The following VENTX variants were observed in gnomAD, a reference collection of about 807,000 sequenced individuals.
The protein encoded by VENTX is VENT homeobox.
In VENTX, 13 loss-of-function variants were observed where a neutral mutation model predicts 10.5. The ratio of observed to expected loss-of-function variants is 1.23; its 90% CI spans 0.80 to 1.96. The LOEUF is 1.96. VENTX is among the 30% of genes most tolerant of loss of function. The pLI is 0.00. For synonymous variants in VENTX, 177 were observed against 150.4 expected, an observed-to-expected ratio of 1.18 and a Z score of -1.29; for missense variants, 400 against 341.8, an observed-to-expected ratio of 1.17 and a Z score of -1.34.
At chr10:133,238,683 TC>T (rs1434003677) in intron 1 of VENTX, among the ~76,000 whole-genome samples, 1 of 152,192 alleles carries the variant, frequency 6.6e-6, no homozygotes. Flanking sequence ...ACTCTGAAGT[TC>T]CCTCTGTGGC....
At chr10:133,238,562 G>A (rs1378466375) in intron 1 of VENTX, among the ~76,000 whole-genome samples, 6 of 151,694 alleles carry the variant, frequency 4.0e-5, no homozygotes, top group Non-Finnish European at 8.8e-5. Context: ...CACAGCCGGT[G>A]CCTGCTCAGC....
rs917087746 is a variant in VENTX at position 133,241,367 on chromosome 10, G to C, written c.*1061G>C. On this transcript the variant is annotated 3_prime_UTR_variant, in exon 3 of 3. Coordinates refer to ENST00000325980, the MANE Select transcript of VENTX (RefSeq NM_014468.4). ...CTGTCCCCCTGCTCGCAGCAGCCTCGGGACAAAACAATGACTCAAGGACAG... is the reference window on the plus strand; with the variant it reads ...CTGTCCCCCTGCTCGCAGCAGCCTCCGGACAAAACAATGACTCAAGGACAG... 1 of 152,590 alleles carries C rather than the reference G, an allele frequency of 6.6e-6. No individual in the cohort carries two copies. Among genetic ancestry groups the C allele is most frequent in the Non-Finnish European group, 1.5e-5 (1 of 68,172 alleles). 9.5% of individuals were successfully genotyped at this position (152,590 alleles called of 1,614,324 possible).
rs557349827 is a variant in VENTX at position 133,241,843 on chromosome 10, G to A, written c.*1537G>A. 3 of 152,426 alleles carry A rather than the reference G, an allele frequency of 2.0e-5. No individual in the cohort carries two copies. Among genetic ancestry groups the A allele is most frequent in the Non-Finnish European group, 2.9e-5 (2 of 68,070 alleles). The allele number at this position is 152,426 out of a possible 1,614,324, so 9.4% of individuals were successfully genotyped here. A position where few individuals can be genotyped will look rare whatever the true frequency, so the allele number is the denominator to read the frequency against. ...CCCTCGGAGGGCAGCAGCTGGACAG[G>A]GACTACTGGGTTTGGCCTGGACAGC... On this transcript the variant is annotated 3_prime_UTR_variant, in exon 3 of 3. Transcript: ENST00000325980.
In VENTX at chr10:133,239,803, G is replaced by A. The variant is rs760526595; in HGVS notation, c.369G>A (p.Arg123=). 1 of 1,611,460 alleles carries A rather than the reference G, an allele frequency of 6.2e-7. No individual in the cohort carries two copies. The highest frequency in any genetic ancestry group is 8.5e-7 in the Non-Finnish European group (1 of 1,179,962). The part of the protein sequence containing the change: ...HQYLSPLERK[R]LAREMQLSEV... Reference sequence around the variant, plus strand: ...ACCTGAGCCCTCTGGAGCGGAAGAGGCTGGCCAGGGAGATGCAGCTCTCAG... The same window carrying A: ...ACCTGAGCCCTCTGGAGCGGAAGAGACTGGCCAGGGAGATGCAGCTCTCAG... Residue 123 remains arginine, a synonymous_variant, in exon 2 of 3, where the codon AGG becomes AGA. Transcript: ENST00000325980.
At position 133,237,926 on chromosome 10, in the gene VENTX, C is replaced by T; in HGVS notation, c.12C>T (p.Ser4=). The T allele has an allele frequency of 1.3e-6, 2 of 1,592,064 alleles. No individual in the cohort carries two copies. Among genetic ancestry groups the T allele is most frequent in the East Asian group, 2.2e-5 (1 of 44,482 alleles). The change falls in exon 1 of 3, where the codon TCC becomes TCT. Residue 4 remains serine (S), a synonymous_variant. Transcript: ENST00000325980. The part of the protein sequence containing the change: MRL[S]SSPPRGPQQL... ...CCCACCTGGCCGCCATGCGCCTCTC[C>T]TCCTCCCCACCTCGTGGCCCGCAGC...
At position 133,238,483 on chromosome 10, in the gene VENTX, C is replaced by A. The variant is rs1344289039; in HGVS notation, c.241+328C>A. Reference sequence around the variant, plus strand: ...TCCAAGGGGTCCCCGTCCGCACCTCCCTGCCCTGATTCCGGGCGCTCACTG... The same window carrying A: ...TCCAAGGGGTCCCCGTCCGCACCTCACTGCCCTGATTCCGGGCGCTCACTG... On this transcript the variant is annotated intron_variant, in intron 1 of 2. Coordinates refer to ENST00000325980, the MANE Select transcript of VENTX (RefSeq NM_014468.4). 5.3e-5 allele frequency among the ~76,000 whole-genome samples: 8 copies of A among 152,192 alleles called. No homozygotes were observed. The East Asian group carries it at 1.5e-3, about 29-fold the overall frequency.
In VENTX at chr10:133,241,098, T is replaced by C. The variant is rs965130031; in HGVS notation, c.*792T>C. 1.3e-5 allele frequency: 2 copies of C among 152,240 alleles called. No individual in the cohort carries two copies. Among genetic ancestry groups the C allele is most frequent in the African/African-American group, 2.4e-5 (1 of 41,454 alleles). The allele number at this position is 152,240 out of a possible 1,614,324, so 9.4% of individuals were successfully genotyped here. On this transcript the variant is annotated 3_prime_UTR_variant, in exon 3 of 3. Transcript: ENST00000325980. ...AGGGAATGCAGGTGTGTTTATAGCG[T>C]TGTGGTTCAAGTCCCTCTTAACAAG...
chr10:133,239,758 C>T lies in VENTX; in HGVS notation c.324C>T (p.Gly108=), dbSNP rs560345091. The T allele has an allele frequency of 2.5e-5, 41 of 1,611,208 alleles. No homozygotes were observed. Among genetic ancestry groups the T allele is most frequent in the Admixed American group, 1.5e-4 (9 of 60,000 alleles). ...FTMEQVRTLE[G]VFQHHQYLSP... ...TGGAGCAGGTCCGCACCTTGGAGGGCGTCTTCCAGCACCACCAGTACCTGA... is the reference window on the plus strand; with the variant it reads ...TGGAGCAGGTCCGCACCTTGGAGGGTGTCTTCCAGCACCACCAGTACCTGA... Residue 108 remains glycine, a synonymous_variant, in exon 2 of 3, where the codon GGC becomes GGT. Coordinates refer to ENST00000325980, the MANE Select transcript of VENTX (RefSeq NM_014468.4).
In VENTX at chr10:133,240,024, G is replaced by A. The variant is rs540901758; in HGVS notation, c.495G>A (p.Ala165=). The A allele has an allele frequency of 7.7e-5, 124 of 1,611,884 alleles. No individual in the cohort carries two copies. The highest frequency in any genetic ancestry group is 9.2e-5 in the Non-Finnish European group (108 of 1,180,018). The change falls in exon 3 of 3, where the codon GCG becomes GCA. Residue 165 remains alanine, a synonymous_variant. Coordinates refer to ENST00000325980, the MANE Select transcript of VENTX (RefSeq NM_014468.4). The part of the protein sequence containing the change: ...LHSPFSGSLH[A]PPAFYSTSSG... The stretch of plus-strand genomic sequence containing the variant: ...GCCCCTTCTCGGGGTCTCTCCATGC[G>A]CCCCCAGCTTTCTACTCAACGTCTT...
At chr10:133,238,236 TCC>T (rs1845880503) in intron 1 of VENTX, 81 bp downstream of exon 1, 1 of 1,459,074 alleles carries the variant, frequency 6.9e-7, no homozygotes, top group South Asian at 1.5e-5. Flanking sequence ...GCGGCTGCAC[TCC>T]CCGCGGTGCC....
In VENTX at chr10:133,238,113, G is replaced by A; in HGVS notation, c.199G>A (p.Ala67Thr). 6.2e-7 allele frequency: 1 copy of A among 1,602,596 alleles called. No individual in the cohort carries two copies. The highest frequency in any genetic ancestry group is 8.5e-7 in the Non-Finnish European group (1 of 1,176,032). Residue 67 changes from alanine (A) to threonine (T), a missense_variant, in exon 1 of 3, where the codon GCC becomes ACC. Ala to Thr is a moderately conservative substitution (Grantham distance 58, BLOSUM62 0). Coordinates refer to ENST00000325980, the MANE Select transcript of VENTX (RefSeq NM_014468.4). The stretch of plus-strand genomic sequence containing the variant: ...TCAGGCCGTCAGCATCAAGGAGGCC[G>A]CCGGGTCCTCAAATCTGCCTGCGCC... Reference protein sequence around the residue: ...PPQAVSIKEAAGSSNLPAPER... With the variant: ...PPQAVSIKEATGSSNLPAPER...
Position 133,240,229 on chromosome 10 carries a change from C to A in VENTX, c.700C>A (p.Arg234=). 4 of 1,611,456 alleles carry A rather than the reference C, an allele frequency of 2.5e-6. No homozygotes were observed. The highest frequency in any genetic ancestry group is 3.4e-6 in the Non-Finnish European group (4 of 1,179,644). The change falls in exon 3 of 3, where the codon CGG becomes AGG. Residue 234 remains arginine, a synonymous_variant. Transcript: ENST00000325980. ...PLASHPPTPG[R]PSLGPALSTG... is the part of the protein sequence containing the mutation. ...GGCGTCCCACCCCCCTACCCCAGGCCGGCCTTCGCTGGGACCAGCCCTGTC... is the reference window on the plus strand; with the variant it reads ...GGCGTCCCACCCCCCTACCCCAGGCAGGCCTTCGCTGGGACCAGCCCTGTC...
Position 133,240,467 on chromosome 10 carries a change from C to T in VENTX, c.*161C>T, listed in dbSNP as rs1200770966. 4.3e-5 allele frequency: 21 copies of T among 482,926 alleles called. No homozygotes were observed. In the East Asian group the frequency reaches 7.6e-4, roughly 17 times the overall value. 29.9% of individuals were successfully genotyped at this position (482,926 alleles called of 1,614,324 possible). ...GAATATATATAAATATATATATGTACGTATATATGTAAATACACATATACG... is the reference window on the plus strand; with the variant it reads ...GAATATATATAAATATATATATGTATGTATATATGTAAATACACATATACG... On this transcript the variant is annotated 3_prime_UTR_variant, in exon 3 of 3. Coordinates refer to ENST00000325980, the MANE Select transcript of VENTX (RefSeq NM_014468.4).
chr10:133,239,705 G>GC lies in VENTX; in HGVS notation c.277dup (p.Arg93ProfsTer172), dbSNP rs766244460. On this transcript the variant is annotated frameshift_variant, in exon 2 of 3. Coordinates refer to ENST00000325980, the MANE Select transcript of VENTX (RefSeq NM_014468.4). LOFTEE classifies it high-confidence loss of function. Reference sequence around the variant, plus strand: ...GAGTAAGGAGCCAAATACCTTGCGGGCCCCCCGTGTCCGCACAGCCTTCAC... The same window carrying GC: ...GAGTAAGGAGCCAAATACCTTGCGGGCCCCCCCGTGTCCGCACAGCCTTCAC... 8 of 1,610,972 alleles carry GC rather than the reference G, an allele frequency of 5.0e-6. No individual in the cohort carries two copies. In the South Asian group the frequency reaches 7.7e-5, roughly 15 times the overall value.
rs112263035 is a variant in VENTX at position 133,240,373 on chromosome 10, AGTT to A, written c.*71_*73del. 14,442 of 1,503,930 alleles carry A rather than the reference AGTT, an allele frequency of 9.6e-3. 1,011 individuals carry two copies. The African/African-American group carries it at 0.16, about 17-fold the overall frequency. The allele number at this position is 1,503,930 out of a possible 1,614,324, so 93.2% of individuals were successfully genotyped here. On this transcript the variant is annotated 3_prime_UTR_variant, in exon 3 of 3. Coordinates refer to ENST00000325980, the MANE Select transcript of VENTX (RefSeq NM_014468.4). ...CACCTGGCTCCTACCTGGAGGACTC[AGTT>A]GTTCTGTTTACATCCTGGTGGCACC...
In VENTX at chr10:133,237,872, T is replaced by C. The variant is rs755343362; in HGVS notation, c.-43T>C. 3 of 1,520,320 alleles carry C rather than the reference T, an allele frequency of 2.0e-6. No individual in the cohort carries two copies. Among genetic ancestry groups the C allele is most frequent in the East Asian group, 4.8e-5 (2 of 41,660 alleles). 94.2% of individuals were successfully genotyped at this position (1,520,320 alleles called of 1,614,324 possible). On this transcript the variant is annotated 5_prime_UTR_variant, in exon 1 of 3. Coordinates refer to ENST00000325980, the MANE Select transcript of VENTX (RefSeq NM_014468.4). ...CGAGGCCCGAGGTGGATCCTGCGCCTGGCCAGCCCCGCCTGGCCTTCCCTC... is the reference window on the plus strand; with the variant it reads ...CGAGGCCCGAGGTGGATCCTGCGCCCGGCCAGCCCCGCCTGGCCTTCCCTC...
rs1240501610 is a variant in VENTX, at chr10:133,241,732, C to T, written c.*1426C>T. 6.6e-6 allele frequency: 1 copy of T among 152,252 alleles called. No homozygotes were observed. The highest frequency in any genetic ancestry group is 1.5e-5 in the Non-Finnish European group (1 of 68,050). 9.4% of individuals were successfully genotyped at this position (152,252 alleles called of 1,614,324 possible). ...CCTTGTTGTAAGTGTTTACAACTGG[C>T]ATGTGCTTTTAAACGTCAGGTAAGA... On this transcript the variant is annotated 3_prime_UTR_variant, in exon 3 of 3. Coordinates refer to ENST00000325980, the MANE Select transcript of VENTX (RefSeq NM_014468.4).
Position 133,237,983 on chromosome 10 carries a change from C to A in VENTX, c.69C>A (p.Leu23=), listed in dbSNP as rs1370364143. Residue 23 remains leucine (L), a synonymous_variant, in exon 1 of 3, where the codon CTC becomes CTA. Transcript: ENST00000325980. ...QLSSFGSVDW[L]SQSSCSGPTH... ...CCAGCTTTGGCTCCGTGGACTGGCT[C>A]TCCCAGAGCAGCTGCTCAGGGCCGA... 3.7e-6 allele frequency: 6 copies of A among 1,601,084 alleles called. No individual in the cohort carries two copies. In the South Asian group the frequency reaches 6.7e-5, roughly 18 times the overall value.
chr10:133,239,100 A>G (rs1845892392), intron 1 of VENTX, among the ~76,000 whole-genome samples: 1 of 152,260 alleles, frequency 6.6e-6, no homozygotes, highest in South Asian at 2.1e-4. Flanking sequence ...CATTTTGGTC[A>G]GACTTGCATT....
Sources: allele counts gnomAD v4.1 joint callset (sites outside exome capture counted in the v4.1 genomes callset), GRCh38; gene constraint gnomAD v4.1.1; transcripts MANE v1.5; gene names NCBI Gene and HGNC (gene_info 2026-07-23, HGNC 2026-07-21).